GPR158: variants seen among roughly 807,000 people sequenced by gnomAD.
GPR158 encodes G protein-coupled receptor 158, also known as metabotropic glycine receptor.
In GPR158, 30 loss-of-function variants were observed where a neutral mutation model predicts 78.2. That is an observed-to-expected ratio of 0.38 (90% CI 0.29 to 0.52). The LOEUF (loss-of-function observed/expected upper bound fraction) is 0.52. Among genes scored for constraint, GPR158 ranks in the 20% least tolerant of loss-of-function variants. The pLI is 0.83. For synonymous variants in GPR158, 581 were observed against 591.1 expected (o/e 0.98, Z 0.25); for missense variants, 1,463 against 1,523.5 (o/e 0.96, Z 0.66).
At chr10:25,526,119 A>G in intron 5 of GPR158, among the ~76,000 whole-genome samples, 1 of 151,164 alleles carries the variant, frequency 6.6e-6, no homozygotes, top group Middle Eastern at 3.4e-3. Context: ...AAAAAAAAAA[A>G]AAAAAAAAAA....
chr10:25,402,577 C>T (rs1487351586), intron 3 of GPR158, among the ~76,000 whole-genome samples: 1 of 152,010 alleles, frequency 6.6e-6, no homozygotes, highest in Non-Finnish European at 1.5e-5. Flanking sequence ...CCTATACTCA[C>T]ATGGTTCAGG....
At chr10:25,201,571 T>C (rs1213130588) in intron 1 of GPR158, among the ~76,000 whole-genome samples, 6 of 152,164 alleles carry the variant, frequency 3.9e-5, no homozygotes, top group African/African-American at 1.4e-4. Context: ...ATCTTTGTCT[T>C]GTTCTCAAGG....
intron 5 of GPR158, among the ~76,000 whole-genome samples, chr10:25,492,401 T>A (rs559073131): frequency 1.3e-5 from 2 of 149,370 alleles, no homozygotes; most frequent in South Asian, 4.2e-4. Flanking sequence ...GTGGCACTTT[T>A]TTTTTCTTTT....
At chr10:25,182,336 A>G (rs1339041950) in intron 1 of GPR158, among the ~76,000 whole-genome samples, 1 of 152,146 alleles carries the variant, frequency 6.6e-6, no homozygotes, top group Non-Finnish European at 1.5e-5. Flanking sequence ...ATACCTCTAT[A>G]ATTTCTCTCG....
chr10:25,466,027 C>G (rs1835416607), intron 4 of GPR158, among the ~76,000 whole-genome samples: 1 of 152,130 alleles, frequency 6.6e-6, no homozygotes, highest in Non-Finnish European at 1.5e-5. Flanking sequence ...TTTAACCCAT[C>G]AGGCCCACCA....
chr10:25,546,714 G>A (rs144239337), intron 5 of GPR158, among the ~76,000 whole-genome samples: 3 of 152,278 alleles, frequency 2.0e-5, no homozygotes, highest in East Asian at 1.9e-4. Flanking sequence ...TGGTTGTCAC[G>A]GAGCCTGCAG....
chr10:25,230,908 G>A (rs977521977), intron 2 of GPR158, among the ~76,000 whole-genome samples: 3 of 152,074 alleles, frequency 2.0e-5, no homozygotes, highest in African/African-American at 7.2e-5. Context: ...TGTGGAGCTC[G>A]TTAAAACTGC....
chr10:25,413,968 T>G (rs1366531441), intron 4 of GPR158, among the ~76,000 whole-genome samples: 1 of 152,208 alleles, frequency 6.6e-6, no homozygotes, highest in East Asian at 1.9e-4. Flanking sequence ...TAACCACTGT[T>G]ACCTAGATAA....
intron 5 of GPR158, among the ~76,000 whole-genome samples, chr10:25,517,685 C>G (rs1422520808): frequency 7.3e-5 from 11 of 151,192 alleles, no homozygotes; most frequent in Non-Finnish European, 1.3e-4. Context: ...TATTGATTTG[C>G]GTATATTGAA....
rs534520267 is a variant in GPR158 at position 25,500,104 on chromosome 10, ATGAACTTTTCACTTACATG to A, written c.1404+33413_1404+33431del. Among the ~76,000 whole-genome samples, 65 of 152,372 alleles carry A rather than the reference ATGAACTTTTCACTTACATG, an allele frequency of 4.3e-4. 1 individual carries two copies. In the South Asian group the frequency reaches 6.0e-3, roughly 14 times the overall value. The stretch of plus-strand genomic sequence containing the variant: ...TTGTGAATTTTCTTTTCACTTACAT[ATGAACTTTTCACTTACATG>A]TGAACTTTTCACTTACATGTGAACT... On this transcript the variant is annotated intron_variant, in intron 5 of 10. Coordinates refer to ENST00000376351, the MANE Select transcript of GPR158 (RefSeq NM_020752.3).
At chr10:25,323,356 TC>T (rs1854983114) in intron 2 of GPR158, among the ~76,000 whole-genome samples, 1 of 152,092 alleles carries the variant, frequency 6.6e-6, no homozygotes, top group East Asian at 1.9e-4. Flanking sequence ...CTGCATTAGA[TC>T]CTAGCAAGAG....
intron 6 of GPR158, among the ~76,000 whole-genome samples, chr10:25,571,709 C>T (rs1167611578): frequency 6.6e-6 from 1 of 151,890 alleles, no homozygotes; most frequent in African/African-American, 2.4e-5. Context: ...GTAGAGAATT[C>T]CTATAGTAAG....
At chr10:25,197,080 C>T (rs75006837) in intron 1 of GPR158, among the ~76,000 whole-genome samples, 53 of 152,292 alleles carry the variant, frequency 3.5e-4, no homozygotes, top group Admixed American at 1.5e-3. Flanking sequence ...CCCTCTTGTA[C>T]GTACTTCCTG....
At chr10:25,560,193 G>A (rs1174767793) in intron 6 of GPR158, among the ~76,000 whole-genome samples, 1 of 152,206 alleles carries the variant, frequency 6.6e-6, no homozygotes, top group African/African-American at 2.4e-5. Flanking sequence ...ACGTATTTGT[G>A]TATTTTACTG....
chr10:25,575,331 GGTTTTTTT>G (rs1395918077), intron 7 of GPR158, among the ~76,000 whole-genome samples: 2 of 152,038 alleles, frequency 1.3e-5, no homozygotes, highest in South Asian at 2.1e-4. Context: ...GATGTATTTT[GGTTTTTTT>G]GTTTTTTTAA....
At position 25,344,074 on chromosome 10, in the gene GPR158, C is replaced by A. The variant is rs548908673; in HGVS notation, c.1009-51837C>A. 2.6e-5 allele frequency among the ~76,000 whole-genome samples: 4 copies of A among 151,986 alleles called. No individual in the cohort carries two copies. The East Asian group carries it at 7.8e-4, about 30-fold the overall frequency. On this transcript the variant is annotated intron_variant, in intron 2 of 10. Transcript: ENST00000376351. ...ATTGCTCTGTGCTTAGCATTCTTCT[C>A]GGAAGAGACATTCCTCAGGACTCAC...
At chr10:25,432,242 G>A (rs911382484) in intron 4 of GPR158, among the ~76,000 whole-genome samples, 1 of 151,870 alleles carries the variant, frequency 6.6e-6, no homozygotes, top group African/African-American at 2.4e-5. Flanking sequence ...ATTTCCACGA[G>A]TATTAATAAA....
chr10:25,262,422 G>C (rs1853979632), intron 2 of GPR158, among the ~76,000 whole-genome samples: 1 of 152,080 alleles, frequency 6.6e-6, no homozygotes, highest in South Asian at 2.1e-4. Flanking sequence ...TAGTATCTAG[G>C]AAAGAATGAA....
intron 3 of GPR158, among the ~76,000 whole-genome samples, chr10:25,407,193 G>A (rs1834526154): frequency 6.6e-6 from 1 of 152,130 alleles, no homozygotes; most frequent in Non-Finnish European, 1.5e-5. Context: ...AGCTTTAGCT[G>A]TTTCGTAGTG....
Sources: gnomAD v4.1 joint callset for allele counts (sites outside exome capture counted in the v4.1 genomes callset) on GRCh38, gnomAD v4.1.1 for gene constraint, MANE v1.5 for transcripts, NCBI Gene and HGNC (gene_info 2026-07-23, HGNC 2026-07-21) for gene names.